PHKB: variants seen among roughly 807,000 people sequenced by gnomAD.
PHKB encodes the protein phosphorylase kinase regulatory subunit beta.
PHKB carries 122 observed loss-of-function variants against 152.1 expected under a neutral mutation model. The observed-to-expected ratio is 0.80, with a 90% CI of 0.69 to 0.93. The LOEUF (loss-of-function observed/expected upper bound fraction) is 0.93, where lower values mean the gene tolerates loss of function less well. PHKB is among the 40% of genes least tolerant of loss of function. PHKB has a pLI of 0.00. For synonymous variants in PHKB, 436 were observed against 464.9 expected, an observed-to-expected ratio of 0.94 and a Z score of 0.80; for missense variants, 1,304 against 1,328.4, an observed-to-expected ratio of 0.98 and a Z score of 0.29.
chr16:47,485,914 C>T (rs968099629), intron 1 of PHKB, among the ~76,000 whole-genome samples: 14 of 151,768 alleles, frequency 9.2e-5, no homozygotes, highest in African/African-American at 3.4e-4. Context: ...AGCCACTGTG[C>T]CTGGTCCCTC....
intron 8 of PHKB, among the ~76,000 whole-genome samples, chr16:47,586,723 C>A (rs979254142): frequency 2.0e-5 from 3 of 152,124 alleles, no homozygotes; most frequent in Non-Finnish European, 2.9e-5. Flanking sequence ...ATTTATAATT[C>A]TCTTCTCCCT....
chr16:47,520,773 G>A (rs1457246228), intron 6 of PHKB, among the ~76,000 whole-genome samples: 1 of 152,144 alleles, frequency 6.6e-6, no homozygotes, highest in Non-Finnish European at 1.5e-5. Context: ...GTAACATCAT[G>A]CAGTCCATAT....
intron 1 of PHKB, among the ~76,000 whole-genome samples, chr16:47,471,856 C>A (rs1969774341): frequency 6.6e-6 from 1 of 152,114 alleles, no homozygotes; most frequent in Non-Finnish European, 1.5e-5. Context: ...GAGATCGAGA[C>A]CACCCTGGCT....
intron 14 of PHKB, among the ~76,000 whole-genome samples, chr16:47,635,146 G>A (rs554798652): frequency 4.6e-5 from 7 of 152,118 alleles, no homozygotes; most frequent in Non-Finnish European, 1.0e-4. Flanking sequence ...GCCAATACGA[G>A]TTCTTCGTGA....
chr16:47,597,694 T>A (rs973778661), intron 13 of PHKB: 4 of 150,428 alleles, frequency 2.7e-5, no homozygotes, highest in African/African-American at 9.7e-5. Context: ...TTTTTTTTTT[T>A]TTTAGTGATT....
chr16:47,588,488 G>A (rs967512460), intron 9 of PHKB, among the ~76,000 whole-genome samples: 3 of 151,946 alleles, frequency 2.0e-5, no homozygotes, highest in African/African-American at 7.3e-5. Flanking sequence ...CTCTGTGAAT[G>A]GATATTGGAT....
At chr16:47,566,289 G>T in intron 7 of PHKB, 1 of 987,426 alleles carries the variant, frequency 1.0e-6, no homozygotes, top group South Asian at 1.3e-5. Flanking sequence ...GTCTGTGGCA[G>T]GACGAGCCCT....
chr16:47,628,705 G>T (rs968664007), intron 14 of PHKB, among the ~76,000 whole-genome samples: 2 of 150,942 alleles, frequency 1.3e-5, no homozygotes, highest in African/African-American at 4.9e-5. Flanking sequence ...AAAAGAGCCC[G>T]CATCGCCAAG....
chr16:47,474,227 T>G (rs1439999493), intron 1 of PHKB, among the ~76,000 whole-genome samples: 1 of 152,254 alleles, frequency 6.6e-6, no homozygotes, highest in Non-Finnish European at 1.5e-5. Flanking sequence ...TTTTACTCCC[T>G]TTGTTATTAA....
chr16:47,497,538 T>G (rs1429977123), intron 2 of PHKB, 50 bp downstream of exon 2: 1 of 1,047,198 alleles, frequency 9.5e-7, no homozygotes, highest in Non-Finnish European at 1.5e-6. Context: ...CGATTAGTAT[T>G]CCCCTTGCCC....
intron 3 of PHKB, among the ~76,000 whole-genome samples, chr16:47,502,313 T>C (rs895063530): frequency 6.6e-6 from 1 of 152,106 alleles, no homozygotes; most frequent in Non-Finnish European, 1.5e-5. Context: ...CCAAACTAGG[T>C]TTGGTTAAGG....
intron 12 of PHKB, among the ~76,000 whole-genome samples, chr16:47,596,086 G>T (rs1031695132): frequency 2.0e-5 from 3 of 152,100 alleles, no homozygotes; most frequent in Non-Finnish European, 4.4e-5. Flanking sequence ...TGAATCATGG[G>T]GGGCGGTTTC....
At chr16:47,593,399 C>A in intron 10 of PHKB, 101 bp from the exon 11 acceptor site, 1 of 699,788 alleles carries the variant, frequency 1.4e-6, no homozygotes, top group South Asian at 1.6e-5. Flanking sequence ...GTGATTGTGC[C>A]ACTGCACTCC....
chr16:47,609,363 G>A (rs1183337911), intron 13 of PHKB, among the ~76,000 whole-genome samples: 1 of 140,254 alleles, frequency 7.1e-6, no homozygotes, highest in South Asian at 2.3e-4. Context: ...TAATTTTCTT[G>A]TGATACTTTG....
At chr16:47,518,405 A>G (rs1284121315) in intron 6 of PHKB, among the ~76,000 whole-genome samples, 2 of 152,062 alleles carry the variant, frequency 1.3e-5, no homozygotes, top group Non-Finnish European at 2.9e-5. Context: ...TAAAATTTGT[A>G]TCTATACTGT....
rs1028159391 is a variant in PHKB, at chr16:47,511,697, A to G, written c.438A>G (p.Thr146=). The change falls in exon 5 of 31, where the codon ACA becomes ACG. Residue 146 remains threonine (T), a synonymous_variant. Transcript: ENST00000323584. ...VQQFKQDPRP[T]TCLHSVFNVH... is the part of the protein sequence containing the mutation. ...AGTTTAAGCAGGATCCACGCCCAAC[A>G]ACATGTCTTCACTCTGTTTTCAATG... The G allele has an allele frequency of 6.2e-7, 1 of 1,613,452 alleles. No homozygotes were observed. Among genetic ancestry groups the G allele is most frequent in the Non-Finnish European group, 8.5e-7 (1 of 1,179,390 alleles).
intron 14 of PHKB, among the ~76,000 whole-genome samples, chr16:47,638,755 G>T (rs891896247): frequency 6.6e-6 from 1 of 152,210 alleles, no homozygotes; most frequent in Non-Finnish European, 1.5e-5. Flanking sequence ...GAGTCTTGTG[G>T]ATTAGTGTCC....
chr16:47,611,853 A>G (rs572109084), intron 14 of PHKB, among the ~76,000 whole-genome samples: 2 of 152,256 alleles, frequency 1.3e-5, no homozygotes, highest in Non-Finnish European at 2.9e-5. Context: ...AATAAATGCT[A>G]TGGTTTTCTC....
At chr16:47,499,701 C>A in intron 2 of PHKB, 55 bp from the exon 3 acceptor site, 1 of 1,605,410 alleles carries the variant, frequency 6.2e-7, no homozygotes, top group Non-Finnish European at 8.5e-7. Context: ...AAACATTTAG[C>A]CCAAGGAAAG....
Sources: gnomAD v4.1 joint callset for allele counts (sites outside exome capture counted in the v4.1 genomes callset) on GRCh38, gnomAD v4.1.1 for gene constraint, MANE v1.5 for transcripts, NCBI Gene and HGNC (gene_info 2026-07-23, HGNC 2026-07-21) for gene names.